Variants in MLLT10 observed in about 807,000 individuals in gnomAD.
MLLT10 encodes the protein protein AF-10.
MLLT10 carries 30 observed loss-of-function variants against 129.1 expected under a neutral mutation model. The observed-to-expected ratio is 0.23, with a 90% CI of 0.17 to 0.32. The LOEUF is 0.32. Ranked by LOEUF, MLLT10 falls within the 10% of genes least tolerant of loss-of-function variation. The pLI is 1.00. For missense variants in MLLT10, 1,119 were observed against 1,268.3 expected (o/e 0.88, Z 1.79); for synonymous variants, 490 against 446.4 (o/e 1.10, Z -1.23).
chr10:21,547,044 AT>A (rs1191737521), intron 3 of MLLT10, among the ~76,000 whole-genome samples: 1 of 150,702 alleles, frequency 6.6e-6, no homozygotes, highest in Non-Finnish European at 1.5e-5. Context: ...TAATTTTTGT[AT>A]TTTTAGTAGA....
chr10:21,682,403 A>C, intron 13 of MLLT10, 146 bp downstream of exon 13: 1 of 600,522 alleles, frequency 1.7e-6, no homozygotes, highest in East Asian at 3.2e-5. Context: ...CTTAGTGAAA[A>C]ATTTTTGTAG....
At chr10:21,560,227 A>ACT (rs1483931513) in intron 3 of MLLT10, among the ~76,000 whole-genome samples, 1 of 151,896 alleles carries the variant, frequency 6.6e-6, no homozygotes, top group African/African-American at 2.4e-5. Flanking sequence ...CTGGTCTCGA[A>ACT]CTCTCTACCT....
intron 5 of MLLT10, among the ~76,000 whole-genome samples, chr10:21,603,191 T>G (rs2131160341): frequency 6.6e-6 from 1 of 151,836 alleles, no homozygotes; most frequent in African/African-American, 2.4e-5. Flanking sequence ...TAGCTGGGAT[T>G]ATAGGTGTCC....
intron 4 of MLLT10, among the ~76,000 whole-genome samples, chr10:21,592,134 C>T (rs1589126863): frequency 1.3e-5 from 2 of 152,190 alleles, no homozygotes; most frequent in South Asian, 4.1e-4. Flanking sequence ...TTCACAAACC[C>T]TACCAGTGTT....
intron 12 of MLLT10, among the ~76,000 whole-genome samples, chr10:21,681,660 AT>A (rs11353777): frequency 0.015 from 2,250 of 151,742 alleles, 47 homozygotes; most frequent in African/African-American, 0.051. Flanking sequence ...TAATGTGTTT[AT>A]TTTTTTAACA....
intron 13 of MLLT10, 115 bp downstream of exon 13, chr10:21,682,372 A>G (rs2052830977): frequency 1.0e-6 from 1 of 973,234 alleles, no homozygotes; most frequent in Non-Finnish European, 1.5e-6. Flanking sequence ...CCAGTGCTGC[A>G]GTGAGTCAAT....
At chr10:21,617,666 G>C (rs748864110) in intron 8 of MLLT10, among the ~76,000 whole-genome samples, 1 of 152,012 alleles carries the variant, frequency 6.6e-6, no homozygotes, top group Non-Finnish European at 1.5e-5. Flanking sequence ...TACATGTCAT[G>C]TCTTTTGTTT....
intron 13 of MLLT10, among the ~76,000 whole-genome samples, chr10:21,689,777 A>T (rs2053682646): frequency 6.6e-6 from 1 of 151,348 alleles, no homozygotes; most frequent in South Asian, 2.1e-4. Context: ...TGGAAAAAAG[A>T]TAATCAAACC....
At position 21,586,267 on chromosome 10, in the gene MLLT10, T is replaced by C. The variant is rs771849239; in HGVS notation, c.241-27T>C. 7.5e-5 allele frequency: 112 copies of C among 1,491,366 alleles called. No individual in the cohort carries two copies. The African/African-American group carries it at 1.4e-3, about 19-fold the overall frequency. 92.4% of individuals were successfully genotyped at this position (1,491,366 alleles called of 1,614,324 possible). A position where few individuals can be genotyped will look rare whatever the true frequency, so the allele number is the denominator to read the frequency against. The stretch of plus-strand genomic sequence containing the variant: ...ATTTTTGATAATCTGAAATATTCAT[T>C]ACCTGTTTCTTTTTTTTTTTTTATA... On this transcript the variant is annotated intron_variant, in intron 3 of 22. Transcript: ENST00000307729.
At chr10:21,674,239 A>AT (rs1204539973) in intron 11 of MLLT10, among the ~76,000 whole-genome samples, 103 of 148,220 alleles carry the variant, frequency 6.9e-4, no homozygotes, top group South Asian at 6.5e-3. Context: ...CCTGCACAGT[A>AT]TTTTTTTTTT....
intron 13 of MLLT10, among the ~76,000 whole-genome samples, chr10:21,705,471 A>C (rs781182787): frequency 5.3e-5 from 8 of 152,174 alleles, no homozygotes; most frequent in Non-Finnish European, 8.8e-5. Flanking sequence ...AGGCAGGGGC[A>C]GGGTGATCCC....
chr10:21,555,216 T>G (rs1242843032), intron 3 of MLLT10, among the ~76,000 whole-genome samples: 3 of 152,156 alleles, frequency 2.0e-5, no homozygotes, highest in Non-Finnish European at 2.9e-5. Context: ...TATTTTAATT[T>G]AAATTTAATT....
chr10:21,672,168 A>T (rs868587573), intron 10 of MLLT10, among the ~76,000 whole-genome samples: 107 of 134,376 alleles, frequency 8.0e-4, no homozygotes, highest in Middle Eastern at 7.7e-3. Context: ...CCAGGTTTTC[A>T]GTGTGTGTGT....
intron 11 of MLLT10, among the ~76,000 whole-genome samples, chr10:21,680,810 A>G (rs1357353271): frequency 6.6e-6 from 1 of 152,040 alleles, no homozygotes; most frequent in Non-Finnish European, 1.5e-5. Flanking sequence ...TGTCTCTACT[A>G]AAGATACAAA....
chr10:21,575,641 A>G (rs548063709), intron 3 of MLLT10, among the ~76,000 whole-genome samples: 32 of 152,288 alleles, frequency 2.1e-4, no homozygotes, highest in Non-Finnish European at 3.7e-4. Context: ...TTACCTGAAA[A>G]GAATGTTTAT....
At chr10:21,721,576 A>T (rs2057138928) in intron 14 of MLLT10, among the ~76,000 whole-genome samples, 2 of 152,140 alleles carry the variant, frequency 1.3e-5, no homozygotes, top group African/African-American at 4.8e-5. Context: ...AAAATATAAG[A>T]GGTAAACTCT....
rs1029867243 is a variant in MLLT10 at position 21,742,602 on chromosome 10, A to G, written c.*619A>G. The G allele has an allele frequency of 2.3e-5, 5 of 220,538 alleles. No individual in the cohort carries two copies. The highest frequency in any genetic ancestry group is 1.1e-4 in the African/African-American group (5 of 44,730). 13.7% of individuals were successfully genotyped at this position (220,538 alleles called of 1,614,324 possible). A position where few individuals can be genotyped will look rare whatever the true frequency, so the allele number is the denominator to read the frequency against. ...TAGGATGGTAATGTCTGCATCTGCTAAAGGTAATTTTCTTTTGAGAATTGC... is the reference window on the plus strand; with the variant it reads ...TAGGATGGTAATGTCTGCATCTGCTGAAGGTAATTTTCTTTTGAGAATTGC... On this transcript the variant is annotated 3_prime_UTR_variant, in exon 23 of 23. Coordinates refer to ENST00000307729, the MANE Select transcript of MLLT10 (RefSeq NM_001195626.3).
At position 21,677,967 on chromosome 10, in the gene MLLT10, GAAAT is replaced by G. The variant is rs771965870; in HGVS notation, c.1622-3364_1622-3361del. Among the ~76,000 whole-genome samples, 173 of 152,314 alleles carry G rather than the reference GAAAT, an allele frequency of 1.1e-3. 1 individual carries two copies. The highest frequency in any genetic ancestry group is 1.9e-3 in the Non-Finnish European group (131 of 68,020). On this transcript the variant is annotated intron_variant, in intron 11 of 22. Transcript: ENST00000307729. Reference sequence around the variant, plus strand: ...TAGTAAACGTTAAACATTATTTTAAGAAATGAATGAATACCATTAGTTGTCTCGT... The same window carrying G: ...TAGTAAACGTTAAACATTATTTTAAGGAATGAATACCATTAGTTGTCTCGT...
In MLLT10 at chr10:21,733,756, T is replaced by C. The variant is rs2058138551; in HGVS notation, c.2497-12T>C. ...GTCCAGTGGACTTAGTTTCTCTTCT[T>C]TCTTACGCTAGGACTTAACCTCCAG... On this transcript the variant is annotated splice_polypyrimidine_tract_variant and intron_variant, in intron 19 of 22. Transcript: ENST00000307729. The C allele has an allele frequency of 6.3e-7, 1 of 1,593,060 alleles. No individual in the cohort carries two copies. The highest frequency in any genetic ancestry group is 1.1e-5 in the South Asian group (1 of 87,922).
Sources: gnomAD v4.1 joint callset for allele counts (sites outside exome capture counted in the v4.1 genomes callset) on GRCh38, gnomAD v4.1.1 for gene constraint, MANE v1.5 for transcripts, NCBI Gene and HGNC (gene_info 2026-07-23, HGNC 2026-07-21) for gene names.